EIF2AK4: variants seen among roughly 807,000 people sequenced by gnomAD.
EIF2AK4 encodes eukaryotic translation initiation factor 2 alpha kinase 4, also known as eIF-2-alpha kinase GCN2.
EIF2AK4 carries 139 observed loss-of-function variants against 211.1 expected under a neutral mutation model. The ratio of observed to expected loss-of-function variants is 0.66; its 90% confidence interval spans 0.57 to 0.76. The LOEUF is 0.76. Ranked by LOEUF, EIF2AK4 falls within the 30% of genes least tolerant of loss-of-function variation. EIF2AK4 has a pLI of 0.00. For missense variants in EIF2AK4, 1,664 were observed against 2,043.8 expected, an observed-to-expected ratio of 0.81 and a Z score of 3.58; for synonymous variants, 710 against 751.3, an observed-to-expected ratio of 0.94 and a Z score of 0.90.
chr15:40,014,597 C>G (rs532422937), intron 27 of EIF2AK4, among the ~76,000 whole-genome samples: 2 of 152,242 alleles, frequency 1.3e-5, no homozygotes, highest in South Asian at 4.1e-4. Context: ...GGCCAGCCCA[C>G]GAAACCATTT....
Position 39,997,948 on chromosome 15 carries a change from A to G in EIF2AK4, c.2869-783A>G, listed in dbSNP as rs1420151921. Among the ~76,000 whole-genome samples, 3 of 152,238 alleles carry G rather than the reference A, an allele frequency of 2.0e-5. 1 individual carries two copies. Among genetic ancestry groups the G allele is most frequent in the Non-Finnish European group, 4.4e-5 (3 of 68,046 alleles). On this transcript the variant is annotated intron_variant, in intron 19 of 38. Transcript: ENST00000263791. The stretch of plus-strand genomic sequence containing the variant: ...GCAGGAATATTTATTAAGTTAATTC[A>G]TAAACACGATAACTAGAATGCAGTA...
chr15:39,934,884 C>T (rs1286073375), intron 1 of EIF2AK4, among the ~76,000 whole-genome samples: 2 of 152,194 alleles, frequency 1.3e-5, no homozygotes, highest in Admixed American at 1.3e-4. Flanking sequence ...TACCTCTGCA[C>T]CTTCCTCTAA....
intron 13 of EIF2AK4, among the ~76,000 whole-genome samples, chr15:39,981,567 A>T (rs1268480409): frequency 6.6e-6 from 1 of 152,100 alleles, no homozygotes; most frequent in Admixed American, 6.5e-5. Flanking sequence ...CAGCATCCAT[A>T]AATGATTCAG....
At chr15:40,025,570 A>T (rs1387401450) in intron 32 of EIF2AK4, among the ~76,000 whole-genome samples, 1 of 152,156 alleles carries the variant, frequency 6.6e-6, no homozygotes, top group Admixed American at 6.5e-5. Flanking sequence ...AGATCTGAGA[A>T]ACCTTGGTGG....
At position 39,996,020 on chromosome 15, in the gene EIF2AK4, G is replaced by A. The variant is rs187621083; in HGVS notation, c.2767-944G>A. On this transcript the variant is annotated intron_variant, in intron 18 of 38. Transcript: ENST00000263791. Reference sequence around the variant, plus strand: ...GACCAGCACCTCCCCTTGACCCCCAGTCCCCAGCCCCTGGTAGCCATCATT... The same window carrying A: ...GACCAGCACCTCCCCTTGACCCCCAATCCCCAGCCCCTGGTAGCCATCATT... 1.9e-3 allele frequency among the ~76,000 whole-genome samples: 291 copies of A among 152,044 alleles called. 1 individual carries two copies. Among genetic ancestry groups the A allele is most frequent in the African/African-American group, 6.8e-3 (282 of 41,468 alleles).
chr15:40,007,680 A>G (rs1249389277), intron 24 of EIF2AK4, among the ~76,000 whole-genome samples: 1 of 152,224 alleles, frequency 6.6e-6, no homozygotes, highest in Non-Finnish European at 1.5e-5. Flanking sequence ...AGCTCTTTAC[A>G]TGCTTTTATT....
At chr15:39,995,399 A>G (rs1219134069) in intron 18 of EIF2AK4, among the ~76,000 whole-genome samples, 1 of 151,314 alleles carries the variant, frequency 6.6e-6, no homozygotes, top group Non-Finnish European at 1.5e-5. Flanking sequence ...AATGTTTTCC[A>G]TTGTCCTGAA....
At position 39,939,694 on chromosome 15, in the gene EIF2AK4, A is replaced by G; in HGVS notation, c.257+77A>G. The G allele has an allele frequency of 8.2e-7, 1 of 1,216,066 alleles. No homozygotes were observed. 75.3% of individuals were successfully genotyped at this position (1,216,066 alleles called of 1,614,324 possible). A position where few individuals can be genotyped will look rare whatever the true frequency, so the allele number is the denominator to read the frequency against. On this transcript the variant is annotated intron_variant, in intron 2 of 38. Coordinates refer to ENST00000263791, the MANE Select transcript of EIF2AK4 (RefSeq NM_001013703.4). ...AACATAGAAACAGATTGAAATTCGTAGTATTTTCTCCTTCCTGCTCCCATT... is the reference window on the plus strand; with the variant it reads ...AACATAGAAACAGATTGAAATTCGTGGTATTTTCTCCTTCCTGCTCCCATT...
intron 9 of EIF2AK4, among the ~76,000 whole-genome samples, chr15:39,969,036 A>G (rs1330917128): frequency 6.6e-6 from 1 of 152,132 alleles, no homozygotes; most frequent in Non-Finnish European, 1.5e-5. Flanking sequence ...AAACATATTT[A>G]TTTAAATGCA....
chr15:39,962,335 A>G (rs2034483900), intron 7 of EIF2AK4, among the ~76,000 whole-genome samples: 1 of 152,258 alleles, frequency 6.6e-6, no homozygotes. Context: ...ATCTGTCATC[A>G]TTATAATTAT....
chr15:39,996,814 T>A, intron 18 of EIF2AK4, 150 bp from the exon 19 acceptor site: 1 of 579,402 alleles, frequency 1.7e-6, no homozygotes, highest in Non-Finnish European at 3.1e-6. Flanking sequence ...TAACCATAAT[T>A]TTTAAGAACA....
At chr15:40,031,244 TA>T (rs1257965562) in intron 35 of EIF2AK4, among the ~76,000 whole-genome samples, 1 of 152,100 alleles carries the variant, frequency 6.6e-6, no homozygotes, top group African/African-American at 2.4e-5. Context: ...TGTCTCAAAA[TA>T]AAATAACTAC....
rs2035552828 is a variant in EIF2AK4 at position 40,032,184 on chromosome 15, C to T, written c.4675C>T (p.Gln1559Ter). ...TACTATTTAGGTACAAACTCGACTT[C>T]AGACCTCCCTTGCCAACTTACATCA... ...RYETQVQTRL[Q>*]TSLANLHQKS... Residue 1559 changes from glutamine (Q) to a stop codon, truncating the protein, a stop_gained, in exon 36 of 39, where the codon CAG (glutamine) becomes TAG (stop). Coordinates refer to ENST00000263791, the MANE Select transcript of EIF2AK4 (RefSeq NM_001013703.4). LOFTEE classifies it high-confidence loss of function. The T allele has an allele frequency of 1.2e-6, 2 of 1,614,048 alleles. No individual in the cohort carries two copies. The highest frequency in any genetic ancestry group is 2.7e-5 in the African/African-American group (2 of 74,946).
At chr15:39,998,567 T>C (rs1409780638) in intron 19 of EIF2AK4, among the ~76,000 whole-genome samples, 164 bp from the exon 20 acceptor site, 2 of 152,168 alleles carry the variant, frequency 1.3e-5, no homozygotes, top group African/African-American at 4.8e-5. Context: ...TAAAATAATA[T>C]GTATGTAATT....
intron 18 of EIF2AK4, among the ~76,000 whole-genome samples, chr15:39,993,072 C>T (rs534485136): frequency 3.3e-5 from 3 of 90,850 alleles, no homozygotes; most frequent in Admixed American, 1.0e-4. Context: ...ATCCATCCAT[C>T]CATTCATCCA....
At chr15:39,935,277 A>G (rs1006823587) in intron 1 of EIF2AK4, among the ~76,000 whole-genome samples, 3 of 152,000 alleles carry the variant, frequency 2.0e-5, no homozygotes, top group African/African-American at 4.8e-5. Context: ...GAGTTGATCT[A>G]CCAAACTATT....
At chr15:39,994,533 C>G (rs1307362161) in intron 18 of EIF2AK4, among the ~76,000 whole-genome samples, 1 of 152,144 alleles carries the variant, frequency 6.6e-6, no homozygotes, top group Non-Finnish European at 1.5e-5. Context: ...TGCTTGAGGC[C>G]AGGAGATTGG....
Position 40,016,646 on chromosome 15 carries a change from T to C in EIF2AK4, c.3904T>C (p.Leu1302=), listed in dbSNP as rs780493728. ...AGACCTAGAGGAGGTTGTTGGACTG[T>C]TGAAGAAACTCGGCATCAAGTTACA... is the stretch of plus-strand genomic sequence containing the variant. ...LKDLEEVVGL[L]KKLGIKLQVL... is the part of the protein sequence containing the mutation. The change falls in exon 28 of 39, where the codon TTG becomes CTG. Residue 1302 remains leucine, a synonymous_variant. Coordinates refer to ENST00000263791, the MANE Select transcript of EIF2AK4 (RefSeq NM_001013703.4). 11 of 1,614,186 alleles carry C rather than the reference T, an allele frequency of 6.8e-6. No homozygotes were observed. In the South Asian group the frequency reaches 1.2e-4, roughly 18 times the overall value.
At chr15:39,990,200 C>T in intron 15 of EIF2AK4, 73 bp from the exon 16 acceptor site, 1 of 1,472,766 alleles carries the variant, frequency 6.8e-7, no homozygotes, top group Non-Finnish European at 9.4e-7. Context: ...CTAGGTTGGC[C>T]TTTTAAATTA....
Sources: allele counts gnomAD v4.1 joint callset (sites outside exome capture counted in the v4.1 genomes callset), GRCh38; gene constraint gnomAD v4.1.1; transcripts MANE v1.5; gene names NCBI Gene and HGNC (gene_info 2026-07-23, HGNC 2026-07-21).